Variants in LGSN observed in about 807,000 individuals in gnomAD.
The protein encoded by LGSN is lengsin, lens protein with glutamine synthetase domain, also known as lengsin.
In LGSN, 21 loss-of-function variants were observed where a neutral mutation model predicts 19.5. The ratio of observed to expected loss-of-function variants is 1.07; its 90% CI spans 0.76 to 1.55. The LOEUF is 1.55. Among genes scored for constraint, LGSN ranks in the 40% most tolerant of loss-of-function variants. The probability of loss-of-function intolerance (pLI) is 0.00; values close to 1 mark genes in which losing one functional copy is unlikely to be tolerated. For missense variants in LGSN, 673 were observed against 608.5 expected, an observed-to-expected ratio of 1.11 and a Z score of -1.12; for synonymous variants, 257 against 215.6, an observed-to-expected ratio of 1.19 and a Z score of -1.68.
chr6:63,565,072 A>G, the LGSN span, among the ~76,000 whole-genome samples: 3 of 152,238 alleles, frequency 2.0e-5, no homozygotes, highest in East Asian at 5.8e-4. Context: ...GTGCAGTGGC[A>G]TGATCACAGC....
the LGSN span, chr6:63,527,880 C>G: frequency 1.3e-5 from 2 of 152,190 alleles, no homozygotes; most frequent in East Asian, 3.8e-4. Flanking sequence ...GCAGCAGTGC[C>G]AGTTCATGTG....
chr6:63,434,713 C>T, the LGSN span, among the ~76,000 whole-genome samples: 6 of 151,956 alleles, frequency 3.9e-5, no homozygotes, highest in East Asian at 9.7e-4. Context: ...CAGTAAATAC[C>T]CAAAACCCAT....
In LGSN at chr6:63,278,282, A is replaced by T. The variant is rs192153199; in HGVS notation, c.*1739T>A. The T allele has an allele frequency of 5.9e-5, 9 of 152,112 alleles. No individual in the cohort carries two copies. The highest frequency in any genetic ancestry group is 2.2e-4 in the African/African-American group (9 of 41,492). The allele number at this position is 152,112 out of a possible 1,614,324, so 9.4% of individuals were successfully genotyped here. ...TGAGAACAGAGGGGAAAATGAACAG[A>T]GGGGAATTTTCTAGCAGACAGCTAG... On this transcript the variant is annotated 3_prime_UTR_variant, in exon 4 of 4. Transcript: ENST00000370657.
the LGSN span, among the ~76,000 whole-genome samples, chr6:63,388,259 G>A: frequency 1.3e-5 from 2 of 152,164 alleles, no homozygotes; most frequent in African/African-American, 4.8e-5. Context: ...TGAAGATAAG[G>A]AAAAAGTTTA....
rs1342945672 is a variant in LGSN, at chr6:63,278,062, C to A, written c.*1959G>T. On this transcript the variant is annotated 3_prime_UTR_variant, in exon 4 of 4. Transcript: ENST00000370657. Reference sequence around the variant, plus strand: ...TTGCACTTCAGCCTGGGTGACAAAGCGAGACTCCATCTCGGAAAAAAAAAA... The same window carrying A: ...TTGCACTTCAGCCTGGGTGACAAAGAGAGACTCCATCTCGGAAAAAAAAAA... 1 of 146,892 alleles carries A rather than the reference C, an allele frequency of 6.8e-6. No individual in the cohort carries two copies. Among genetic ancestry groups the A allele is most frequent in the Admixed American group, 6.9e-5 (1 of 14,574 alleles). The allele number at this position is 146,892 out of a possible 1,614,324, so 9.1% of individuals were successfully genotyped here.
the LGSN span, among the ~76,000 whole-genome samples, chr6:63,439,348 AGT>A: frequency 6.6e-6 from 1 of 152,038 alleles, no homozygotes; most frequent in African/African-American, 2.4e-5. Context: ...TAAAACTTAA[AGT>A]ATAATAATAA....
At chr6:63,542,574 T>C in the LGSN span, among the ~76,000 whole-genome samples, 7 of 152,246 alleles carry the variant, frequency 4.6e-5, no homozygotes, top group African/African-American at 1.7e-4. Flanking sequence ...TCTCTTCAGT[T>C]CAGTTTTTGC....
chr6:63,453,651 A>G, the LGSN span, among the ~76,000 whole-genome samples: 2 of 151,616 alleles, frequency 1.3e-5, no homozygotes, highest in South Asian at 2.1e-4. Flanking sequence ...AACATCTGTC[A>G]TTATAATTTT....
the LGSN span, among the ~76,000 whole-genome samples, chr6:63,401,437 T>C: frequency 6.6e-6 from 1 of 151,156 alleles, no homozygotes; most frequent in African/African-American, 2.4e-5. Context: ...AGGTACAAGT[T>C]AATTCAAAAA....
chr6:63,334,550 T>C, the LGSN span, among the ~76,000 whole-genome samples: 2 of 152,152 alleles, frequency 1.3e-5, no homozygotes, highest in Non-Finnish European at 2.9e-5. Context: ...GCAATCTACA[T>C]ATTCAATGCA....
the LGSN span, among the ~76,000 whole-genome samples, chr6:63,353,588 C>CAAAAAA: frequency 8.1e-5 from 6 of 74,166 alleles, no homozygotes; most frequent in African/African-American, 2.6e-4. Flanking sequence ...CAGTTTGTAG[C>CAAAAAA]AAAAAAAAAA....
At chr6:63,304,678 T>C (rs966434926) in intron 1 of LGSN, among the ~76,000 whole-genome samples, 7 of 152,204 alleles carry the variant, frequency 4.6e-5, no homozygotes, top group African/African-American at 1.4e-4. Flanking sequence ...TCCAAATTCT[T>C]GGTATGCTCC....
In LGSN at chr6:63,301,468, G is replaced by A. The variant is rs142559975; in HGVS notation, c.31-6423C>T. On this transcript the variant is annotated intron_variant, in intron 1 of 3. Transcript: ENST00000370657. ...AAAAATTATATAAATAAAATTAAAT[G>A]GATATTCAAGGTTGGGGGAAAATAG... 1.3e-4 allele frequency among the ~76,000 whole-genome samples: 20 copies of A among 151,974 alleles called. No individual in the cohort carries two copies. The East Asian group carries it at 3.7e-3, about 28-fold the overall frequency.
chr6:63,422,542 T>TA, the LGSN span, among the ~76,000 whole-genome samples: 9 of 151,980 alleles, frequency 5.9e-5, no homozygotes, highest in African/African-American at 1.7e-4. Flanking sequence ...TAAATTCTGT[T>TA]AAAAAAAGAG....
intron 1 of LGSN, among the ~76,000 whole-genome samples, chr6:63,300,108 C>T (rs1019678663): frequency 6.6e-5 from 10 of 152,182 alleles, no homozygotes; most frequent in Non-Finnish European, 1.5e-5. Context: ...CCACTAGCAG[C>T]AGGACACAGC....
chr6:63,339,206 GA>G, the LGSN span, among the ~76,000 whole-genome samples: 28 of 152,254 alleles, frequency 1.8e-4, no homozygotes, highest in African/African-American at 6.5e-4. Flanking sequence ...CTATAATGCA[GA>G]TTAAGTCTGA....
chr6:63,511,246 C>CTTTTTTTTTTTTTTTTTTTTTTTTTTTT, the LGSN span, among the ~76,000 whole-genome samples: 6 of 131,380 alleles, frequency 4.6e-5, no homozygotes, highest in Non-Finnish European at 6.7e-5. Context: ...AAATAGATTT[C>CTTTTTTTTTTTTTTTTTTTTTTTTTTTT]TTTTTTTTTT....
At chr6:63,412,529 G>GAAGGAAGGAAAGAAAGAAA in the LGSN span, among the ~76,000 whole-genome samples, 6 of 32,406 alleles carry the variant, frequency 1.9e-4, no homozygotes, top group South Asian at 1.2e-3. Context: ...AAAGAAAGAA[G>GAAGGAAGGAAAGAAAGAAA]GAAAGAAAGA....
the LGSN span, among the ~76,000 whole-genome samples, chr6:63,425,830 A>G: frequency 3.4e-4 from 52 of 152,082 alleles, no homozygotes; most frequent in Non-Finnish European, 5.4e-4. Flanking sequence ...CAATAAAAAG[A>G]AATATACTGT....
Sources: gnomAD v4.1 joint callset for allele counts (sites outside exome capture counted in the v4.1 genomes callset) on GRCh38, gnomAD v4.1.1 for gene constraint, MANE v1.5 for transcripts, NCBI Gene and HGNC (gene_info 2026-07-23, HGNC 2026-07-21) for gene names.